Variants in BBS9 observed in about 807,000 individuals in gnomAD.
The protein encoded by BBS9 is protein PTHB1.
BBS9 carries 89 observed loss-of-function variants against 117.7 expected under a neutral mutation model. The ratio of observed to expected loss-of-function variants is 0.76; its 90% CI spans 0.64 to 0.90. The LOEUF (loss-of-function observed/expected upper bound fraction) is 0.90, where lower values mean the gene tolerates loss of function less well. Among genes scored for constraint, BBS9 ranks in the 40% least tolerant of loss-of-function variants. BBS9 has a pLI of 0.00. For missense variants in BBS9, 982 were observed against 1,042.2 expected (o/e 0.94, Z 0.80); for synonymous variants, 379 against 370.9 (o/e 1.02, Z -0.25).
intron 21 of BBS9, among the ~76,000 whole-genome samples, chr7:33,612,855 G>A (rs895284684): frequency 7.2e-5 from 11 of 152,024 alleles, no homozygotes; most frequent in Admixed American, 6.6e-4. Flanking sequence ...CTTATGACTA[G>A]GAATCAGATG....
intron 19 of BBS9, among the ~76,000 whole-genome samples, chr7:33,471,395 T>C (rs1426622276): frequency 1.3e-5 from 2 of 152,228 alleles, no homozygotes; most frequent in Non-Finnish European, 2.9e-5. Flanking sequence ...AAATGGCAAG[T>C]TGGCTGTTCA....
chr7:33,622,648 C>T (rs907025875), intron 21 of BBS9, among the ~76,000 whole-genome samples: 3 of 152,018 alleles, frequency 2.0e-5, no homozygotes, highest in African/African-American at 7.2e-5. Context: ...GAGCAAAGGC[C>T]TCAAAACAGC....
At chr7:33,166,885 G>A (rs1201639826) in intron 4 of BBS9, among the ~76,000 whole-genome samples, 1 of 152,174 alleles carries the variant, frequency 6.6e-6, no homozygotes, top group Non-Finnish European at 1.5e-5. Flanking sequence ...TCCGTGGGCT[G>A]CACCCACTGT....
At chr7:33,241,755 T>C (rs1044101911) in intron 5 of BBS9, among the ~76,000 whole-genome samples, 1 of 152,106 alleles carries the variant, frequency 6.6e-6, no homozygotes, top group Non-Finnish European at 1.5e-5. Context: ...ATTATTATAT[T>C]TTTTATTTCT....
chr7:33,432,299 C>CG (rs1286450449), intron 19 of BBS9, among the ~76,000 whole-genome samples: 1 of 149,032 alleles, frequency 6.7e-6, no homozygotes, highest in African/African-American at 2.5e-5. Flanking sequence ...TTAGTAGAGA[C>CG]GGGGTTTCAC....
At chr7:33,186,100 G>T (rs1008123353) in intron 5 of BBS9, among the ~76,000 whole-genome samples, 5 of 152,132 alleles carry the variant, frequency 3.3e-5, no homozygotes, top group Non-Finnish European at 7.4e-5. Flanking sequence ...ATATAAAAGC[G>T]CTTTCTAGCT....
intron 19 of BBS9, among the ~76,000 whole-genome samples, chr7:33,438,513 GA>G (rs1835648997): frequency 6.6e-6 from 1 of 152,192 alleles, no homozygotes; most frequent in Non-Finnish European, 1.5e-5. Context: ...TTCTGAAGGA[GA>G]AAATGTAAGC....
At chr7:33,403,409 C>CA in intron 19 of BBS9, among the ~76,000 whole-genome samples, 1 of 150,208 alleles carries the variant, frequency 6.7e-6, no homozygotes, top group Non-Finnish European at 1.5e-5. Context: ...TGGTGTGCTG[C>CA]ACCCATTAAC....
intron 21 of BBS9, among the ~76,000 whole-genome samples, chr7:33,553,701 T>C (rs533946701): frequency 6.6e-5 from 10 of 152,252 alleles, no homozygotes; most frequent in South Asian, 2.1e-4. Context: ...TTAACAAATG[T>C]AGAGTTCTTA....
At position 33,138,197 on chromosome 7, in the gene BBS9, G is replaced by GAGACTTTTGAACCGGCTGATGCA. The variant is rs1454598936; in HGVS notation, c.-11-8045_-11-8044insAGACTTTTGAACCGGCTGATGCA. Reference sequence around the variant, plus strand: ...TCCTGCAATTAGCTGTGTGAGGTATGGGAATCATGTAACTTATCTGGGCCT... The same window carrying GAGACTTTTGAACCGGCTGATGCA: ...TCCTGCAATTAGCTGTGTGAGGTATGAGACTTTTGAACCGGCTGATGCAGGAATCATGTAACTTATCTGGGCCT... On this transcript the variant is annotated intron_variant, in intron 1 of 22. Coordinates refer to ENST00000242067, the MANE Select transcript of BBS9 (RefSeq NM_198428.3). Among the ~76,000 whole-genome samples, 25 of 147,248 alleles carry GAGACTTTTGAACCGGCTGATGCA rather than the reference G, an allele frequency of 1.7e-4. No homozygotes were observed. In the East Asian group the frequency reaches 4.4e-3, roughly 26 times the overall value.
chr7:33,427,790 G>GCTAT (rs1272056432), intron 19 of BBS9, among the ~76,000 whole-genome samples: 2 of 152,104 alleles, frequency 1.3e-5, no homozygotes, highest in African/African-American at 4.8e-5. Flanking sequence ...AATATTCATT[G>GCTAT]CTATCATTTA....
In BBS9 at chr7:33,492,365, G is replaced by A. The variant is rs116092754; in HGVS notation, c.2116-13098G>A. 3.1e-3 allele frequency among the ~76,000 whole-genome samples: 464 copies of A among 151,964 alleles called. 1 individual carries two copies. The highest frequency in any genetic ancestry group is 0.011 in the African/African-American group (452 of 41,422). On this transcript the variant is annotated intron_variant, in intron 19 of 22. Coordinates refer to ENST00000242067, the MANE Select transcript of BBS9 (RefSeq NM_198428.3). ...GTATCTCATTTAATCTTCAAGCCAC[G>A]TAATTACTTGTCTCTTACAAAGGAG...
chr7:33,627,724 G>A (rs914888527), intron 21 of BBS9, among the ~76,000 whole-genome samples: 2 of 152,194 alleles, frequency 1.3e-5, no homozygotes, highest in African/African-American at 4.8e-5. Context: ...GTAAGTTGCT[G>A]TTGTTTGTTT....
intron 9 of BBS9, among the ~76,000 whole-genome samples, chr7:33,289,669 T>C (rs1803609021): frequency 6.6e-6 from 1 of 152,180 alleles, no homozygotes; most frequent in Non-Finnish European, 1.5e-5. Flanking sequence ...TTTAAATGGG[T>C]AGTTACAATT....
intron 9 of BBS9, among the ~76,000 whole-genome samples, chr7:33,287,160 G>A (rs1166921836): frequency 6.6e-6 from 1 of 152,022 alleles, no homozygotes; most frequent in Non-Finnish European, 1.5e-5. Context: ...TAGGATGTTG[G>A]GTGACTTAAA....
In BBS9 at chr7:33,226,104, A is replaced by G. The variant is rs78843353; in HGVS notation, c.443-31132A>G. 4.4e-3 allele frequency among the ~76,000 whole-genome samples: 676 copies of G among 152,340 alleles called. 7 individuals are homozygous for G. Among genetic ancestry groups the G allele is most frequent in the African/African-American group, 0.015 (641 of 41,582 alleles). The stretch of plus-strand genomic sequence containing the variant: ...CTCATTCTTAAGGGAAAAAAGATAT[A>G]GAGGGGGAACCTATAGATTCTCACT... On this transcript the variant is annotated intron_variant, in intron 5 of 22. Coordinates refer to ENST00000242067, the MANE Select transcript of BBS9 (RefSeq NM_198428.3).
chr7:33,160,426 C>A (rs1381951442), intron 4 of BBS9, among the ~76,000 whole-genome samples: 1 of 152,168 alleles, frequency 6.6e-6, no homozygotes. Context: ...TAAGGTATTC[C>A]ATGTATAAGG....
chr7:33,471,081 A>T (rs1241521855), intron 19 of BBS9, among the ~76,000 whole-genome samples: 1 of 152,180 alleles, frequency 6.6e-6, no homozygotes, highest in African/African-American at 2.4e-5. Flanking sequence ...GGTATCACTA[A>T]AAAGTATGTT....
At position 33,336,540 on chromosome 7, in the gene BBS9, A is replaced by G. The variant is rs567466908; in HGVS notation, c.1116A>G (p.Gln372=). 3 of 1,613,460 alleles carry G rather than the reference A, an allele frequency of 1.9e-6. No individual in the cohort carries two copies. The highest frequency in any genetic ancestry group is 1.3e-5 in the African/African-American group (1 of 75,044). The change falls in exon 10 of 23, where the codon CAA becomes CAG. Residue 372 remains glutamine, a synonymous_variant. Coordinates refer to ENST00000242067, the MANE Select transcript of BBS9 (RefSeq NM_198428.3). Reference sequence around the variant, plus strand: ...CTCTGTTCCAAGCTCCAAACGTTCAATCTCGAGAACTAAACTATGATGAAC... The same window carrying G: ...CTCTGTTCCAAGCTCCAAACGTTCAGTCTCGAGAACTAAACTATGATGAAC... The part of the protein sequence containing the change: ...DPSLFQAPNV[Q]SRELNYDELD...
Sources: gnomAD v4.1 joint callset for allele counts (sites outside exome capture counted in the v4.1 genomes callset) on GRCh38, gnomAD v4.1.1 for gene constraint, MANE v1.5 for transcripts, NCBI Gene and HGNC (gene_info 2026-07-23, HGNC 2026-07-21) for gene names.